Variants in GHR observed in about 807,000 individuals in gnomAD.
GHR encodes growth hormone receptor.
Under a neutral mutation model 67.1 loss-of-function variants are expected in GHR, and 35 were observed. The ratio of observed to expected loss-of-function variants is 0.52; its 90% CI spans 0.40 to 0.69. The LOEUF (loss-of-function observed/expected upper bound fraction) is 0.69, where lower values mean the gene tolerates loss of function less well. Among genes scored for constraint, GHR ranks in the 30% least tolerant of loss-of-function variants. The probability of loss-of-function intolerance (pLI) is 0.00; values close to 1 mark genes in which losing one functional copy is unlikely to be tolerated. For synonymous variants in GHR, 272 were observed against 269.1 expected, an observed-to-expected ratio of 1.01 and a Z score of -0.10; for missense variants, 792 against 764.6, an observed-to-expected ratio of 1.04 and a Z score of -0.42.
chr5:42,560,217 C>T (rs924225396), intron 1 of GHR, among the ~76,000 whole-genome samples: 1 of 152,050 alleles, frequency 6.6e-6, no homozygotes, highest in Admixed American at 6.5e-5. Flanking sequence ...TTTTTTGAGA[C>T]AGAGTCTCGC....
At chr5:42,493,665 A>G (rs1049030173) in intron 1 of GHR, among the ~76,000 whole-genome samples, 6 of 152,198 alleles carry the variant, frequency 3.9e-5, no homozygotes, top group Non-Finnish European at 7.3e-5. Context: ...AGAGCAAAAG[A>G]AATATTTCTA....
At chr5:42,593,972 C>T (rs1229906443) in intron 2 of GHR, among the ~76,000 whole-genome samples, 1 of 152,212 alleles carries the variant, frequency 6.6e-6, no homozygotes, top group Non-Finnish European at 1.5e-5. Flanking sequence ...GATTGTCCCT[C>T]AGCCATCCTT....
rs576898977 is a variant in GHR, at chr5:42,528,634, A to T, written c.-11-37230A>T. 3.3e-5 allele frequency among the ~76,000 whole-genome samples: 5 copies of T among 152,360 alleles called. No homozygotes were observed. In the East Asian group the frequency reaches 9.6e-4, roughly 29 times the overall value. On this transcript the variant is annotated intron_variant, in intron 1 of 9. Coordinates refer to ENST00000230882, the MANE Select transcript of GHR (RefSeq NM_000163.5). ...ATGACATAAACTTAGTTGATAAAGCAGCAGCCAGATTTGAGAAGATTGACT... is the reference window on the plus strand; with the variant it reads ...ATGACATAAACTTAGTTGATAAAGCTGCAGCCAGATTTGAGAAGATTGACT...
chr5:42,544,538 T>C (rs1207827263), intron 1 of GHR, among the ~76,000 whole-genome samples: 1 of 152,084 alleles, frequency 6.6e-6, no homozygotes, highest in Non-Finnish European at 1.5e-5. Context: ...ATTAGGCAAA[T>C]AAATGGAAAT....
At chr5:42,433,913 A>G (rs1743210000) in intron 1 of GHR, among the ~76,000 whole-genome samples, 2 of 151,948 alleles carry the variant, frequency 1.3e-5, no homozygotes, top group African/African-American at 4.8e-5. Flanking sequence ...CCCATTGCTT[A>G]TTATGGTCGC....
intron 1 of GHR, among the ~76,000 whole-genome samples, chr5:42,443,094 T>C (rs1404597521): frequency 6.6e-6 from 1 of 152,188 alleles, no homozygotes; most frequent in African/African-American, 2.4e-5. Flanking sequence ...GTAATGTCAG[T>C]CTGGCTACAA....
intron 3 of GHR, among the ~76,000 whole-genome samples, chr5:42,665,136 T>C (rs1755887519): frequency 6.6e-6 from 1 of 152,120 alleles, no homozygotes; most frequent in Non-Finnish European, 1.5e-5. Flanking sequence ...AGGAACACTT[T>C]TACACTGTTG....
At chr5:42,570,228 G>A (rs1329831015) in intron 2 of GHR, among the ~76,000 whole-genome samples, 1 of 152,100 alleles carries the variant, frequency 6.6e-6, no homozygotes, top group African/African-American at 2.4e-5. Context: ...AGTGAAGGTG[G>A]GGAAAAAAGC....
chr5:42,548,300 A>G, intron 1 of GHR: 19 of 985,372 alleles, frequency 1.9e-5, no homozygotes, highest in Non-Finnish European at 2.3e-5. Flanking sequence ...CAAAGCAGAA[A>G]GACCAAGAAT....
intron 6 of GHR, among the ~76,000 whole-genome samples, chr5:42,707,287 A>G (rs1758224500): frequency 6.6e-6 from 1 of 151,960 alleles, no homozygotes; most frequent in South Asian, 2.1e-4. Context: ...ATTTCTTAAC[A>G]AATTATTGTA....
intron 7 of GHR, among the ~76,000 whole-genome samples, chr5:42,712,507 T>C (rs1225395252): frequency 1.3e-5 from 2 of 152,154 alleles, no homozygotes; most frequent in Non-Finnish European, 2.9e-5. Flanking sequence ...AAAATGATTT[T>C]TTCTCCCCCA....
intron 2 of GHR, among the ~76,000 whole-genome samples, chr5:42,599,744 A>G (rs1752271499): frequency 6.6e-6 from 1 of 152,224 alleles, no homozygotes; most frequent in Admixed American, 6.5e-5. Context: ...AACAACAACA[A>G]CAAACTTTTG....
intron 1 of GHR, among the ~76,000 whole-genome samples, chr5:42,521,703 GA>G (rs1747483135): frequency 6.6e-6 from 1 of 152,030 alleles, no homozygotes; most frequent in Non-Finnish European, 1.5e-5. Context: ...GCTTTGCTGG[GA>G]TTACTTATTT....
At chr5:42,535,190 A>C (rs561866120) in intron 1 of GHR, among the ~76,000 whole-genome samples, 1 of 151,876 alleles carries the variant, frequency 6.6e-6, no homozygotes, top group Non-Finnish European at 1.5e-5. Context: ...TTTTGTTTTT[A>C]TTTCATTTGC....
chr5:42,661,407 T>C (rs536183539), intron 3 of GHR, among the ~76,000 whole-genome samples: 21 of 152,286 alleles, frequency 1.4e-4, no homozygotes, highest in East Asian at 1.4e-3. Context: ...GCTAATCTCT[T>C]GGCAGAAACT....
At chr5:42,554,931 T>C (rs1180566030) in intron 1 of GHR, among the ~76,000 whole-genome samples, 2 of 152,190 alleles carry the variant, frequency 1.3e-5, no homozygotes, top group African/African-American at 4.8e-5. Flanking sequence ...TCACATTATA[T>C]TTCTGTTAGC....
chr5:42,594,774 T>C (rs1751979830), intron 2 of GHR, among the ~76,000 whole-genome samples: 1 of 152,156 alleles, frequency 6.6e-6, no homozygotes, highest in African/African-American at 2.4e-5. Flanking sequence ...AGAGCTTTTG[T>C]TTATGTGAGG....
chr5:42,555,116 G>A (rs1306790765), intron 1 of GHR, among the ~76,000 whole-genome samples: 5 of 152,092 alleles, frequency 3.3e-5, no homozygotes, highest in African/African-American at 1.2e-4. Context: ...AGTCAGTCTG[G>A]CCAAATAGAC....
At chr5:42,505,451 C>CA (rs1310841219) in intron 1 of GHR, among the ~76,000 whole-genome samples, 1,543 of 139,940 alleles carry the variant, frequency 0.011, 32 homozygotes, top group African/African-American at 0.037. Flanking sequence ...CATGCATGTT[C>CA]AAAAAAAAAA....
Sources: allele counts gnomAD v4.1 joint callset (sites outside exome capture counted in the v4.1 genomes callset), GRCh38; gene constraint gnomAD v4.1.1; transcripts MANE v1.5; gene names NCBI Gene and HGNC (gene_info 2026-07-23, HGNC 2026-07-21).